The following UBL3 variants were observed in gnomAD, a reference collection of about 807,000 sequenced individuals.
The protein encoded by UBL3 is ubiquitin like 3.
Under a neutral mutation model 18.4 loss-of-function variants are expected in UBL3, and 6 were observed. The ratio of observed to expected loss-of-function variants is 0.33; its 90% CI spans 0.18 to 0.64. The LOEUF (loss-of-function observed/expected upper bound fraction) is 0.64, where lower values mean the gene tolerates loss of function less well. Among genes scored for constraint, UBL3 ranks in the 30% least tolerant of loss-of-function variants. The probability of loss-of-function intolerance (pLI) is 0.76; values close to 1 mark genes in which losing one functional copy is unlikely to be tolerated. For missense variants in UBL3, 109 were observed against 142.9 expected, an observed-to-expected ratio of 0.76 and a Z score of 1.21; for synonymous variants, 49 against 46.6, an observed-to-expected ratio of 1.05 and a Z score of -0.21.
intron 1 of UBL3, among the ~76,000 whole-genome samples, chr13:29,795,074 G>C (rs978498937): frequency 6.6e-6 from 1 of 152,116 alleles, no homozygotes; most frequent in African/African-American, 2.4e-5. Flanking sequence ...CAAGTACTCA[G>C]GCTATTCGCT....
intron 1 of UBL3, among the ~76,000 whole-genome samples, chr13:29,794,351 TAC>T (rs34035390): frequency 5.2e-4 from 78 of 149,592 alleles, no homozygotes; most frequent in African/African-American, 9.5e-4. Flanking sequence ...TTACTAACAC[TAC>T]ACACACACAC....
At chr13:29,835,165 T>TATATAA in intron 1 of UBL3, among the ~76,000 whole-genome samples, 2 of 49,844 alleles carry the variant, frequency 4.0e-5, no homozygotes, top group Non-Finnish European at 7.0e-5. Context: ...TATATATATA[T>TATATAA]ATATATATAT....
intron 1 of UBL3, among the ~76,000 whole-genome samples, chr13:29,792,165 T>C (rs1877497368): frequency 6.6e-6 from 1 of 152,234 alleles, no homozygotes; most frequent in Non-Finnish European, 1.5e-5. Flanking sequence ...TACTAGAGTA[T>C]GTGTGCCAAA....
chr13:29,784,930 G>T (rs1347752238), intron 1 of UBL3, among the ~76,000 whole-genome samples: 4 of 152,120 alleles, frequency 2.6e-5, no homozygotes, highest in African/African-American at 9.7e-5. Flanking sequence ...TTTTGAGACG[G>T]AGTCTCACTC....
chr13:29,775,086 A>G (rs1593649814), intron 2 of UBL3, among the ~76,000 whole-genome samples: 3 of 152,354 alleles, frequency 2.0e-5, no homozygotes, highest in Non-Finnish European at 4.4e-5. Context: ...GTCATCAAAC[A>G]CTATGTAGGA....
intron 1 of UBL3, among the ~76,000 whole-genome samples, chr13:29,805,699 T>C (rs537693333): frequency 2.6e-5 from 4 of 152,274 alleles, no homozygotes; most frequent in African/African-American, 9.6e-5. Context: ...GCTGAGATGA[T>C]AGAACATGAT....
chr13:29,811,408 G>C (rs565835603), intron 1 of UBL3, among the ~76,000 whole-genome samples: 30 of 152,188 alleles, frequency 2.0e-4, no homozygotes, highest in South Asian at 1.7e-3. Context: ...ACAGTTAAGA[G>C]GACATTAGAG....
intron 1 of UBL3, among the ~76,000 whole-genome samples, chr13:29,777,924 G>A (rs769856293): frequency 6.6e-6 from 1 of 151,940 alleles, no homozygotes; most frequent in Non-Finnish European, 1.5e-5. Flanking sequence ...TCACCACCAC[G>A]CCCAGCTAAT....
intron 1 of UBL3, among the ~76,000 whole-genome samples, chr13:29,816,476 G>A (rs1878284473): frequency 6.6e-6 from 1 of 151,954 alleles, no homozygotes; most frequent in Admixed American, 6.6e-5. Flanking sequence ...AAAAGTAAAT[G>A]AGCCAGGTAC....
intron 1 of UBL3, among the ~76,000 whole-genome samples, chr13:29,799,791 T>C (rs1200880409): frequency 6.6e-6 from 1 of 152,248 alleles, no homozygotes; most frequent in Non-Finnish European, 1.5e-5. Context: ...CTTATTATTT[T>C]ACAAATCACA....
chr13:29,806,966 T>C (rs1035499822), intron 1 of UBL3, among the ~76,000 whole-genome samples: 6 of 152,238 alleles, frequency 3.9e-5, no homozygotes, highest in African/African-American at 1.2e-4. Context: ...ATATATACCA[T>C]ATTTTATCAA....
chr13:29,839,446 A>T (rs765962941), intron 1 of UBL3, among the ~76,000 whole-genome samples: 26 of 152,360 alleles, frequency 1.7e-4, no homozygotes, highest in Middle Eastern at 3.4e-3. Context: ...TTGCATTTAG[A>T]GGGAATTTCA....
chr13:29,815,544 A>ATT (rs1555233849), intron 1 of UBL3, among the ~76,000 whole-genome samples: 2 of 152,184 alleles, frequency 1.3e-5, no homozygotes, highest in Non-Finnish European at 2.9e-5. Flanking sequence ...CTAAACAAAC[A>ATT]AAACCCCATT....
intron 3 of UBL3, among the ~76,000 whole-genome samples, chr13:29,771,397 T>A (rs948247366): frequency 6.6e-6 from 1 of 152,092 alleles, no homozygotes; most frequent in East Asian, 1.9e-4. Flanking sequence ...TCCAATCATA[T>A]ATAAAGAACA....
chr13:29,788,953 G>A (rs1877414015), intron 1 of UBL3, among the ~76,000 whole-genome samples: 1 of 151,404 alleles, frequency 6.6e-6, no homozygotes, highest in Admixed American at 6.6e-5. Flanking sequence ...AGGCTGGAGT[G>A]TAACGGCGCA....
intron 2 of UBL3, among the ~76,000 whole-genome samples, chr13:29,776,576 T>A (rs1876998026): frequency 6.6e-6 from 1 of 152,100 alleles, no homozygotes; most frequent in South Asian, 2.1e-4. Context: ...TTTTTCTTTA[T>A]TAAAAATATT....
At chr13:29,821,461 G>GAGCA (rs1407346799) in intron 1 of UBL3, among the ~76,000 whole-genome samples, 6 of 152,292 alleles carry the variant, frequency 3.9e-5, no homozygotes, top group African/African-American at 1.2e-4. Flanking sequence ...CAGGAAGCCA[G>GAGCA]ATGTAATACC....
At chr13:29,809,915 T>C (rs9551744) in intron 1 of UBL3, among the ~76,000 whole-genome samples, 64,860 of 151,990 alleles carry the variant, frequency 0.43, 14,938 homozygotes, top group African/African-American at 0.62. Context: ...TATATTAATT[T>C]ATTTGTGTGG....
At chr13:29,792,789 T>C (rs1877516023) in intron 1 of UBL3, among the ~76,000 whole-genome samples, 1 of 152,240 alleles carries the variant, frequency 6.6e-6, no homozygotes, top group Non-Finnish European at 1.5e-5. Context: ...TACTTAGAAT[T>C]GGTATGACAA....
Sources: allele counts gnomAD v4.1 joint callset (sites outside exome capture counted in the v4.1 genomes callset), GRCh38; gene constraint gnomAD v4.1.1; transcripts MANE v1.5; gene names NCBI Gene and HGNC (gene_info 2026-07-23, HGNC 2026-07-21).